DPP6: variants seen among roughly 807,000 people sequenced by gnomAD.
DPP6 encodes dipeptidyl peptidase like 6.
DPP6 carries 69 observed loss-of-function variants against 122.6 expected under a neutral mutation model. That is an observed-to-expected ratio of 0.56 (90% CI 0.46 to 0.69). DPP6 has a LOEUF of 0.69. DPP6 is among the 30% of genes least tolerant of loss of function. The probability of loss-of-function intolerance (pLI) is 0.00; values close to 1 mark genes in which losing one functional copy is unlikely to be tolerated. For missense variants in DPP6, 928 were observed against 1,116.9 expected (o/e 0.83, Z 2.41); for synonymous variants, 418 against 433.1 (o/e 0.97, Z 0.43).
chr7:153,999,681 G>A lies in DPP6; in HGVS notation c.51+111947G>A, dbSNP rs142440805. Among the ~76,000 whole-genome samples the A allele has an allele frequency of 8.2e-3, 1,247 of 152,326 alleles. 4 individuals carry two copies. The highest frequency in any genetic ancestry group is 0.024 in the Middle Eastern group (7 of 294). On this transcript the variant is annotated intron_variant, in intron 1 of 25. Transcript: ENST00000404039. ...AAGATACATTAAAAGAAACTTGGCA[G>A]TGGGGGGTGGCTCACGCCTATAATC...
the DPP6 span, among the ~76,000 whole-genome samples, chr7:153,876,940 T>G: frequency 6.6e-6 from 1 of 152,038 alleles, no homozygotes; most frequent in Non-Finnish European, 1.5e-5. Context: ...AAATAAATAA[T>G]GTTACATCTG....
At chr7:154,629,543 C>T (rs1330586890) in intron 5 of DPP6, among the ~76,000 whole-genome samples, 5 of 152,130 alleles carry the variant, frequency 3.3e-5, no homozygotes, top group Admixed American at 6.5e-5. Context: ...ACTGTGTATG[C>T]CAGCCATGGG....
At chr7:154,888,551 A>G (rs1806351390) in intron 23 of DPP6, among the ~76,000 whole-genome samples, 1 of 152,198 alleles carries the variant, frequency 6.6e-6, no homozygotes, top group Admixed American at 6.5e-5. Flanking sequence ...TTCAGAGTGG[A>G]AACTTGGACA....
At chr7:154,183,055 A>T (rs2150750357) in intron 1 of DPP6, among the ~76,000 whole-genome samples, 1 of 152,166 alleles carries the variant, frequency 6.6e-6, no homozygotes, top group East Asian at 1.9e-4. Context: ...CCCATTTCAG[A>T]ATTCACTTCC....
chr7:154,609,276 T>G (rs1019057289), intron 5 of DPP6, among the ~76,000 whole-genome samples: 1 of 152,272 alleles, frequency 6.6e-6, no homozygotes, highest in Non-Finnish European at 1.5e-5. Flanking sequence ...GTACTATCTT[T>G]CTTTGCATTG....
intron 10 of DPP6, 71 bp from the exon 11 acceptor site, chr7:154,794,008 G>T: frequency 6.4e-6 from 10 of 1,559,214 alleles, no homozygotes; most frequent in Non-Finnish European, 8.7e-6. Flanking sequence ...CAGGGCTGGG[G>T]TCGGCGGTCC....
At chr7:154,474,612 C>T (rs1822562313) in intron 2 of DPP6, among the ~76,000 whole-genome samples, 1 of 152,244 alleles carries the variant, frequency 6.6e-6, no homozygotes. Flanking sequence ...ATATCCGTAT[C>T]TTCCTCTCGA....
At position 154,669,379 on chromosome 7, in the gene DPP6, C is replaced by T. The variant is rs1474825329; in HGVS notation, c.700C>T (p.Pro234Ser). Residue 234 changes from proline to serine, a missense_variant, in exon 7 of 26, where the codon CCA becomes TCA. Pro to Ser is a moderately conservative substitution (Grantham distance 74, BLOSUM62 -1). Coordinates refer to ENST00000377770, the MANE Select transcript of DPP6 (RefSeq NM_130797.4). ...TTTCAGGGATCCTCAAAGTCTGGACCCACCAGAAGTCAGCAATGCAAAACT... is the reference window on the plus strand; with the variant it reads ...TTTCAGGGATCCTCAAAGTCTGGACTCACCAGAAGTCAGCAATGCAAAACT... ...IPHGDPQSLD[P>S]PEVSNAKLQY... 1 of 1,555,326 alleles carries T rather than the reference C, an allele frequency of 6.4e-7. No homozygotes were observed. Among genetic ancestry groups the T allele is most frequent in the Non-Finnish European group, 8.7e-7 (1 of 1,148,742 alleles).
At chr7:154,578,718 G>A (rs1831848795) in intron 5 of DPP6, among the ~76,000 whole-genome samples, 1 of 152,172 alleles carries the variant, frequency 6.6e-6, no homozygotes. Context: ...AGACACCAGA[G>A]TGTCTGGGTT....
At chr7:154,515,123 G>A (rs73163064) in intron 3 of DPP6, among the ~76,000 whole-genome samples, 11,602 of 152,162 alleles carry the variant, frequency 0.076, 485 homozygotes, top group Middle Eastern at 0.092. Context: ...TCTCTTCAAT[G>A]GAAATAGAGT....
At chr7:154,446,684 A>G (rs1053423781) in intron 2 of DPP6, among the ~76,000 whole-genome samples, 12 of 152,218 alleles carry the variant, frequency 7.9e-5, no homozygotes, top group African/African-American at 2.7e-4. Flanking sequence ...AATTATTAAA[A>G]CAACATATGT....
chr7:154,321,949 G>A (rs981955864), intron 1 of DPP6, among the ~76,000 whole-genome samples: 4 of 151,980 alleles, frequency 2.6e-5, no homozygotes, highest in Non-Finnish European at 5.9e-5. Flanking sequence ...GAAAACCCCC[G>A]CCAGCGAAGG....
At position 154,029,556 on chromosome 7, in the gene DPP6, G is replaced by A. The variant is rs921344985; in HGVS notation, c.51+141822G>A. Reference sequence around the variant, plus strand: ...AGAAATTGCCTTATGTCAAAAATTAGCAATTTTATGCTGGGCATGGTGGCT... The same window carrying A: ...AGAAATTGCCTTATGTCAAAAATTAACAATTTTATGCTGGGCATGGTGGCT... On this transcript the variant is annotated intron_variant, in intron 1 of 25. Coordinates refer to the DPP6 transcript ENST00000404039. Among the ~76,000 whole-genome samples the A allele has an allele frequency of 3.4e-5, 5 of 146,398 alleles. No individual in the cohort carries two copies. The Admixed American group carries it at 3.5e-4, about 10-fold the overall frequency.
At chr7:154,889,430 CTCTT>C (rs1218511858) in intron 24 of DPP6, 23 bp from the exon 25 acceptor site, 7 of 1,567,588 alleles carry the variant, frequency 4.5e-6, no homozygotes, top group Middle Eastern at 1.7e-4. Context: ...ATGTCTTCCT[CTCTT>C]TTTTTTTTTT....
intron 5 of DPP6, among the ~76,000 whole-genome samples, chr7:154,574,622 GTGTGGTGT>G (rs1831376293): frequency 1.2e-5 from 1 of 81,166 alleles, no homozygotes; most frequent in Non-Finnish European, 2.8e-5. Context: ...GGGTGTATGT[GTGTGGTGT>G]GTGTGTGTGG....
intron 2 of DPP6, among the ~76,000 whole-genome samples, chr7:154,469,040 G>T (rs1341795358): frequency 2.0e-5 from 3 of 152,186 alleles, no homozygotes; most frequent in Non-Finnish European, 2.9e-5. Flanking sequence ...CTGAACATCT[G>T]TTTGCTGGGC....
chr7:154,414,782 G>A (rs557084379), intron 1 of DPP6, among the ~76,000 whole-genome samples: 1 of 152,306 alleles, frequency 6.6e-6, no homozygotes, highest in South Asian at 2.1e-4. Flanking sequence ...TGGCTGTCAA[G>A]TTAGTGCTGG....
intron 1 of DPP6, among the ~76,000 whole-genome samples, chr7:154,006,926 C>T (rs1173051590): frequency 6.6e-6 from 1 of 152,240 alleles, no homozygotes; most frequent in East Asian, 1.9e-4. Context: ...GAGAAGCTAC[C>T]TCCCCCTGAA....
intron 10 of DPP6, among the ~76,000 whole-genome samples, chr7:154,776,352 AG>A (rs1464780335): frequency 2.0e-5 from 3 of 152,038 alleles, no homozygotes; most frequent in Non-Finnish European, 4.4e-5. Flanking sequence ...ATCTGCACAG[AG>A]GCTCCCCTCT....
Sources: allele counts gnomAD v4.1 joint callset (sites outside exome capture counted in the v4.1 genomes callset), GRCh38; gene constraint gnomAD v4.1.1; transcripts MANE v1.5; gene names NCBI Gene and HGNC (gene_info 2026-07-23, HGNC 2026-07-21).